Variants in FCAMR observed in about 807,000 individuals in gnomAD.
FCAMR encodes the protein high affinity immunoglobulin alpha and immunoglobulin mu Fc receptor.
FCAMR carries 51 observed loss-of-function variants against 52.2 expected under a neutral mutation model. The ratio of observed to expected loss-of-function variants is 0.98; its 90% CI spans 0.78 to 1.23. The LOEUF is 1.23. Ranked by LOEUF, FCAMR falls within the 50% of genes most tolerant of loss-of-function variation. The pLI, the probability that FCAMR is intolerant of heterozygous loss-of-function variation, is 0.00. For missense variants in FCAMR, 719 were observed against 712.6 expected (o/e 1.01, Z -0.10); for synonymous variants, 282 against 262.0 (o/e 1.08, Z -0.74).
At chr1:206,962,955 G>C (rs1010985125) in intron 4 of FCAMR, among the ~76,000 whole-genome samples, 1 of 152,150 alleles carries the variant, frequency 6.6e-6, no homozygotes, top group African/African-American at 2.4e-5. Flanking sequence ...TCCAAACTAT[G>C]CCACCAATGA....
In FCAMR at chr1:206,965,744, A is replaced by G; in HGVS notation, c.284T>C (p.Leu95Pro). Reference sequence around the variant, plus strand: ...AAAGGAGCTCTCCTCCCGCCAGCAGAGGGGCGAGGAAGGCCTGAGTGTTCC... The same window carrying G: ...AAAGGAGCTCTCCTCCCGCCAGCAGGGGGGCGAGGAAGGCCTGAGTGTTCC... ...AMGTLRPSSPLCWREESSFAA... is the reference protein window; with the variant it reads ...AMGTLRPSSPPCWREESSFAA... Residue 95 changes from leucine (L) to proline (P), a missense_variant, in exon 4 of 8, where the codon CTC (leucine) becomes CCC (proline). Transcript: ENST00000324852. The G allele has an allele frequency of 6.3e-7, 1 of 1,577,336 alleles. No individual in the cohort carries two copies. Among genetic ancestry groups the G allele is most frequent in the Non-Finnish European group, 8.6e-7 (1 of 1,166,612 alleles).
Position 206,960,417 on chromosome 1 carries a change from G to A in FCAMR, c.1454+5C>T. ...CCCCAACCGGGAGAAGGTGCCTGGG[G>A]TTACCGCTTCACGGAGGACTCCTTG... is the stretch of plus-strand genomic sequence containing the variant. On this transcript the variant is annotated splice_donor_5th_base_variant and intron_variant, in intron 6 of 7. Transcript: ENST00000324852. 4.7e-6 allele frequency: 7 copies of A among 1,481,760 alleles called. No individual in the cohort carries two copies. Among genetic ancestry groups the A allele is most frequent in the Non-Finnish European group, 6.3e-6 (7 of 1,116,150 alleles). The allele number at this position is 1,481,760 out of a possible 1,614,324, so 91.8% of individuals were successfully genotyped here.
intron 4 of FCAMR, among the ~76,000 whole-genome samples, chr1:206,963,567 A>C (rs955731838): frequency 2.6e-5 from 4 of 152,218 alleles, no homozygotes; most frequent in African/African-American, 9.7e-5. Context: ...GAAAGATCAC[A>C]ACTCCAATCT....
chr1:206,967,080 G>C lies in FCAMR; in HGVS notation c.141C>G (p.Pro47=), dbSNP rs376694888. 1 of 1,613,790 alleles carries C rather than the reference G, an allele frequency of 6.2e-7. No homozygotes were observed. Among genetic ancestry groups the C allele is most frequent in the African/African-American group, 1.3e-5 (1 of 74,874 alleles). ...VTSRRAGWKM[P]LFLILCLLQG... ...GTAGCAGGCACAGTATGAGGAAGAG[G>C]GGCATTTTCCATCCCGCCCTCCTGC... is the stretch of plus-strand genomic sequence containing the variant. The change falls in exon 3 of 8, where the codon CCC becomes CCG. Residue 47 remains proline, a synonymous_variant. Transcript: ENST00000324852.
At position 206,958,427 on chromosome 1, in the gene FCAMR, G is replaced by T; in HGVS notation, c.*89C>A. The T allele has an allele frequency of 7.3e-7, 1 of 1,379,242 alleles. No homozygotes were observed. Among genetic ancestry groups the T allele is most frequent in the Non-Finnish European group, 9.7e-7 (1 of 1,028,380 alleles). The allele number at this position is 1,379,242 out of a possible 1,614,324, so 85.4% of individuals were successfully genotyped here. A position where few individuals can be genotyped will look rare whatever the true frequency, so the allele number is the denominator to read the frequency against. ...ATCAGCTTCTCTTCCCACAGGTGGA[G>T]GAAGGATGATGGAAAGAGGCTGGGG... On this transcript the variant is annotated 3_prime_UTR_variant, in exon 8 of 8. Coordinates refer to ENST00000324852, the MANE Select transcript of FCAMR (RefSeq NM_001170631.2).
chr1:206,967,103 T>C lies in FCAMR; in HGVS notation c.118A>G (p.Arg40Gly). The change falls in exon 3 of 8, where the codon AGG (arginine) becomes GGG (glycine). Residue 40 changes from arginine (R) to glycine (G), a missense_variant. Transcript: ENST00000324852. Reference sequence around the variant, plus strand: ...AGGGGCATTTTCCATCCCGCCCTCCTGCTGGTGACCTGCAAAAAACACTCT... The same window carrying C: ...AGGGGCATTTTCCATCCCGCCCTCCCGCTGGTGACCTGCAAAAAACACTCT... ...GTLPQSHVTS[R>G]RAGWKMPLFL... The C allele has an allele frequency of 6.2e-7, 1 of 1,613,962 alleles. No homozygotes were observed. The highest frequency in any genetic ancestry group is 8.5e-7 in the Non-Finnish European group (1 of 1,179,986).
In FCAMR at chr1:206,962,418, T is replaced by C; in HGVS notation, c.447A>G (p.Arg149=). Reference sequence around the variant, plus strand: ...TGGACACAATGGTCTGGCAGATCCATCTTGGGGGCCCCAGACGGCACCAGT... The same window carrying C: ...TGGACACAATGGTCTGGCAGATCCACCTTGGGGGCCCCAGACGGCACCAGT... ...RKYWCRLGPP[R]WICQTIVSTN... The change falls in exon 5 of 8, where the codon AGA becomes AGG. Residue 149 remains arginine (R), a synonymous_variant. Transcript: ENST00000324852. The C allele has an allele frequency of 6.2e-7, 1 of 1,614,096 alleles. No homozygotes were observed. The highest frequency in any genetic ancestry group is 8.5e-7 in the Non-Finnish European group (1 of 1,180,010).
chr1:206,967,526 C>T (rs928718307), intron 2 of FCAMR, 57 bp downstream of exon 2: 13 of 1,562,258 alleles, frequency 8.3e-6, no homozygotes, highest in Middle Eastern at 1.7e-4. Context: ...CTCAGGGATT[C>T]GATTCCTTTT....
chr1:206,970,018 C>T lies in FCAMR; in HGVS notation c.39+69G>A, dbSNP rs1680872440. On this transcript the variant is annotated intron_variant, in intron 1 of 7. Transcript: ENST00000324852. ...GGGCACTGAGGAGCATGTGTGACAGCTATGGCTGCAGTTCACCCCCCACAT... is the reference window on the plus strand; with the variant it reads ...GGGCACTGAGGAGCATGTGTGACAGTTATGGCTGCAGTTCACCCCCCACAT... 2.5e-6 allele frequency: 4 copies of T among 1,588,918 alleles called. No homozygotes were observed. In the East Asian group the frequency reaches 8.9e-5, roughly 36 times the overall value.
At chr1:206,959,217 C>CTCA (rs1680391503) in intron 7 of FCAMR, among the ~76,000 whole-genome samples, 1 of 152,138 alleles carries the variant, frequency 6.6e-6, no homozygotes, top group African/African-American at 2.4e-5. Context: ...GGCAGAGTGG[C>CTCA]TCACGCCTAT....
Position 206,958,309 on chromosome 1 carries a change from GA to G in FCAMR, c.*206del, listed in dbSNP as rs1347096989. 1.9e-5 allele frequency: 11 copies of G among 573,514 alleles called. No homozygotes were observed. The highest frequency in any genetic ancestry group is 3.4e-5 in the Non-Finnish European group (11 of 327,300). 35.5% of individuals were successfully genotyped at this position (573,514 alleles called of 1,614,324 possible). A position where few individuals can be genotyped will look rare whatever the true frequency, so the allele number is the denominator to read the frequency against. On this transcript the variant is annotated 3_prime_UTR_variant, in exon 8 of 8. Transcript: ENST00000324852. ...ATACACTGTTCTTGAAGTCTCCTTT[GA>G]GTCATCTTGTCACCTTTGGACGTGG...
chr1:206,960,565 G>A lies in FCAMR; in HGVS notation c.1311C>T (p.Thr437=), dbSNP rs924839583. ...ILGTPAADVW[T]SMEAASGEGS... ...CTTCCCCAGATGCTGCCTCCATGCT[G>A]GTCCACACATCTGCAGCTGGAGTTC... Residue 437 remains threonine (T), a synonymous_variant, in exon 6 of 8, where the codon ACC becomes ACT. Transcript: ENST00000324852. 23 of 1,551,688 alleles carry A rather than the reference G, an allele frequency of 1.5e-5. No individual in the cohort carries two copies. Among genetic ancestry groups the A allele is most frequent in the Non-Finnish European group, 2.0e-5 (23 of 1,147,030 alleles).
rs1313920904 is a variant in FCAMR, at chr1:206,958,534, C to T, written c.1716G>A (p.Glu572=). Residue 572 remains glutamate, a synonymous_variant, in exon 8 of 8, where the codon GAG becomes GAA. Transcript: ENST00000324852. ...LPAGASLTAP[E]RNPGP The stretch of plus-strand genomic sequence containing the variant: ...CTGTCCCTCAGGGTCCTGGATTTCT[C>T]TCTGGGGCAGTCAGGCTGGCCCCAG... 1 of 1,612,558 alleles carries T rather than the reference C, an allele frequency of 6.2e-7. No homozygotes were observed. Among genetic ancestry groups the T allele is most frequent in the Non-Finnish European group, 8.5e-7 (1 of 1,179,762 alleles).
In FCAMR at chr1:206,960,955, C is replaced by T. The variant is rs763664341; in HGVS notation, c.921G>A (p.Pro307=). ...WAEGSVKAPA[P]IPESPPSKSR... ...TCTTTGAAGGTGGACTCTCTGGAAT[C>T]GGAGCAGGTGCTTTGACAGAACCCT... The change falls in exon 6 of 8, where the codon CCG becomes CCA. Residue 307 remains proline (P), a synonymous_variant. Coordinates refer to ENST00000324852, the MANE Select transcript of FCAMR (RefSeq NM_001170631.2). The T allele has an allele frequency of 3.2e-5, 49 of 1,552,032 alleles. No individual in the cohort carries two copies. Among genetic ancestry groups the T allele is most frequent in the Non-Finnish European group, 4.1e-5 (47 of 1,147,076 alleles).
intron 4 of FCAMR, among the ~76,000 whole-genome samples, chr1:206,964,694 C>A (rs1680639476): frequency 1.3e-5 from 2 of 151,942 alleles, no homozygotes; most frequent in South Asian, 2.1e-4. Context: ...TCCTGTACAG[C>A]CTGCAGAACC....
At chr1:206,969,502 G>A (rs1680850508) in intron 1 of FCAMR, 1 of 332,812 alleles carries the variant, frequency 3.0e-6, no homozygotes, top group Non-Finnish European at 6.0e-6. Context: ...CGTTTTAGGG[G>A]ATGAGACCAT....
At chr1:206,970,016 A>G in intron 1 of FCAMR, 71 bp downstream of exon 1, 1 of 1,582,780 alleles carries the variant, frequency 6.3e-7, no homozygotes, top group African/African-American at 1.3e-5. Context: ...CATGTGTGAC[A>G]GCTATGGCTG....
Position 206,965,806 on chromosome 1 carries a change from C to G in FCAMR, c.222G>C (p.Glu74Asp), listed in dbSNP as rs575328829. 1 of 1,599,704 alleles carries G rather than the reference C, an allele frequency of 6.3e-7. No homozygotes were observed. Reference sequence around the variant, plus strand: ...GATGGGTCCTGGAGGGGAGAGAGCCCTCCCACAGCCATCTCGGATGGGGTC... The same window carrying G: ...GATGGGTCCTGGAGGGGAGAGAGCCGTCCCACAGCCATCTCGGATGGGGTC... ...QKRPHPRWLW[E>D]GSLPSRTHLR... The change falls in exon 4 of 8, where the codon GAG becomes GAC. Residue 74 changes from glutamate (E) to aspartate (D), a missense_variant. Glu to Asp is a conservative substitution (Grantham distance 45). Coordinates refer to ENST00000324852, the MANE Select transcript of FCAMR (RefSeq NM_001170631.2).
intron 2 of FCAMR, 97 bp downstream of exon 2, chr1:206,967,486 G>T: frequency 7.6e-7 from 1 of 1,318,564 alleles, no homozygotes; most frequent in Non-Finnish European, 1.1e-6. Context: ...CCAAACTCTA[G>T]TTGGAATTGT....
Sources: gnomAD v4.1 joint callset for allele counts (sites outside exome capture counted in the v4.1 genomes callset) on GRCh38, gnomAD v4.1.1 for gene constraint, MANE v1.5 for transcripts, NCBI Gene and HGNC (gene_info 2026-07-23, HGNC 2026-07-21) for gene names.